DNAAF8: variants seen among roughly 807,000 people sequenced by gnomAD.
The protein encoded by DNAAF8 is dynein axonemal assembly factor 8, also known as dynein axonemal-associated protein 1.
In DNAAF8, 61 loss-of-function variants were observed where a neutral mutation model predicts 54.6. That is an observed-to-expected ratio of 1.12 (90% CI 0.91 to 1.38). DNAAF8 has a LOEUF of 1.38. DNAAF8 is among the 40% of genes most tolerant of loss of function. DNAAF8 has a pLI of 0.00. For synonymous variants in DNAAF8, 320 were observed against 270.1 expected, an observed-to-expected ratio of 1.18 and a Z score of -1.81; for missense variants, 837 against 665.0, an observed-to-expected ratio of 1.26 and a Z score of -2.85.
chr16:4,746,641 T>A, intron 7 of DNAAF8, 129 bp downstream of exon 7: 1 of 1,265,770 alleles, frequency 7.9e-7, no homozygotes, highest in Non-Finnish European at 1.1e-6. Flanking sequence ...AATTCTCAAT[T>A]GAAAAGTGCT....
intron 5 of DNAAF8, among the ~76,000 whole-genome samples, chr16:4,744,126 T>G (rs989520914): frequency 2.0e-5 from 3 of 151,942 alleles, no homozygotes; most frequent in Non-Finnish European, 4.4e-5. Flanking sequence ...AGAAACGGGA[T>G]TTCACCATGT....
intron 6 of DNAAF8, among the ~76,000 whole-genome samples, 180 bp downstream of exon 6, chr16:4,745,191 C>G (rs2081998978): frequency 1.3e-5 from 2 of 152,178 alleles, no homozygotes; most frequent in African/African-American, 2.4e-5. Context: ...AACCAAGGCT[C>G]AGAGAGGTTG....
chr16:4,744,385 A>G (rs1010573566), intron 5 of DNAAF8, among the ~76,000 whole-genome samples: 1 of 152,184 alleles, frequency 6.6e-6, no homozygotes, highest in African/African-American at 2.4e-5. Context: ...GAAACAACCC[A>G]TATTCAGGAG....
rs926037315 is a variant in DNAAF8 at position 4,746,508 on chromosome 16, G to C, written c.1177G>C (p.Glu393Gln). 6 of 1,613,208 alleles carry C rather than the reference G, an allele frequency of 3.7e-6. No individual in the cohort carries two copies. Among genetic ancestry groups the C allele is most frequent in the African/African-American group, 1.3e-5 (1 of 74,938 alleles). ...GGAGCTACCAGACCACCTGTCCCCA[G>C]AAAGGTCCGGAGGGCAGTGACTACC... is the stretch of plus-strand genomic sequence containing the variant. ...QMELPDHLSP[E>Q]SSSHSSSDSE... is the part of the protein sequence containing the mutation. Residue 393 changes from glutamate (E) to glutamine (Q), a missense_variant, in exon 7 of 10, where the codon GAA becomes CAA. Physicochemically the swap from Glu to Gln is conservative, Grantham distance 29 (BLOSUM62 2). Coordinates refer to ENST00000299320, the MANE Select transcript of DNAAF8 (RefSeq NM_139170.3).
At position 4,746,996 on chromosome 16, in the gene DNAAF8, G is replaced by T; in HGVS notation, c.1251G>T (p.Glu417Asp). Residue 417 changes from glutamate to aspartate, a missense_variant, in exon 8 of 10, where the codon GAG becomes GAT. By Grantham distance (45) the Glu-to-Asp change is conservative. Transcript: ENST00000299320. ...EEEMAALGDA[E>D]GASPSSLGLR... Reference sequence around the variant, plus strand: ...AGATGGCAGCTCTGGGAGACGCAGAGGGGGCATCTCCTTCCTCCCTGGGGC... The same window carrying T: ...AGATGGCAGCTCTGGGAGACGCAGATGGGGCATCTCCTTCCTCCCTGGGGC... The T allele has an allele frequency of 1.3e-6, 2 of 1,541,292 alleles. No homozygotes were observed. The highest frequency in any genetic ancestry group is 1.7e-6 in the Non-Finnish European group (2 of 1,148,180).
At position 4,745,518 on chromosome 16, in the gene DNAAF8, T is replaced by G. The variant is rs373119370; in HGVS notation, c.1043+507T>G. 5.9e-5 allele frequency among the ~76,000 whole-genome samples: 9 copies of G among 152,232 alleles called. No homozygotes were observed. The East Asian group carries it at 9.6e-4, about 16-fold the overall frequency. Reference sequence around the variant, plus strand: ...CAGAGGTGGAGGCAGGGCCCCAGGGTCCCGTAAGGCCCCTCTATATGCCTG... The same window carrying G: ...CAGAGGTGGAGGCAGGGCCCCAGGGGCCCGTAAGGCCCCTCTATATGCCTG... On this transcript the variant is annotated intron_variant, in intron 6 of 9. Transcript: ENST00000299320.
At chr16:4,746,848 C>T in intron 7 of DNAAF8, 79 bp from the exon 8 acceptor site, 1 of 1,322,200 alleles carries the variant, frequency 7.6e-7, no homozygotes, top group Non-Finnish European at 1.0e-6. Flanking sequence ...CCAGCAAAGC[C>T]CGAGTGCTTC....
chr16:4,746,014 A>C (rs1444093040), intron 6 of DNAAF8: 2 of 185,802 alleles, frequency 1.1e-5, no homozygotes, highest in Non-Finnish European at 2.2e-5. Flanking sequence ...TAACCATGGC[A>C]GCCATTAGCC....
intron 4 of DNAAF8, among the ~76,000 whole-genome samples, chr16:4,742,335 G>A (rs1364472297): frequency 6.6e-6 from 1 of 152,072 alleles, no homozygotes; most frequent in African/African-American, 2.4e-5. Flanking sequence ...CAGATGGATT[G>A]CTTGAGGTCA....
At chr16:4,740,058 C>CAA (rs111697257) in intron 3 of DNAAF8, 95 bp from the exon 4 acceptor site, 114,483 of 1,190,338 alleles carry the variant, frequency 0.096, 1,375 homozygotes, top group African/African-American at 0.25. Flanking sequence ...GACTTCACCT[C>CAA]AAAAAAAAAA....
At chr16:4,746,726 G>T in intron 7 of DNAAF8, 2 of 773,568 alleles carry the variant, frequency 2.6e-6, no homozygotes, top group East Asian at 2.8e-5. Flanking sequence ...TGGGCTCTAT[G>T]CAATAGAGCC....
chr16:4,739,064 C>T (rs1185258904), intron 3 of DNAAF8, among the ~76,000 whole-genome samples: 1 of 151,992 alleles, frequency 6.6e-6, no homozygotes, highest in Non-Finnish European at 1.5e-5. Context: ...AGGACATGCA[C>T]CCACCCATCA....
rs756430216 is a variant in DNAAF8 at position 4,740,247 on chromosome 16, G to A, written c.371G>A (p.Gly124Asp). The A allele has an allele frequency of 5.0e-6, 8 of 1,613,952 alleles. No individual in the cohort carries two copies. The African/African-American group carries it at 9.3e-5, about 19-fold the overall frequency. Residue 124 changes from glycine to aspartate, a missense_variant, in exon 4 of 10, where the codon GGC becomes GAC. By Grantham distance (94) the Gly-to-Asp change is moderately conservative. Transcript: ENST00000299320. ...TCCTCTCAGGAAGGAAGAGACCCTG[G>A]CAGGCCTTTTGAAAGCTCTGGTGAG... ...DASSQEGRDP[G>D]RPFESSGEVS... is the part of the protein sequence containing the mutation.
chr16:4,746,182 G>A (rs867980875), intron 6 of DNAAF8, 193 bp from the exon 7 acceptor site: 156 of 556,258 alleles, frequency 2.8e-4, no homozygotes, highest in Middle Eastern at 1.8e-3. Context: ...GGGACGTTCT[G>A]TTGGCCAGTG....
chr16:4,737,963 A>G lies in DNAAF8; in HGVS notation c.276+17A>G, dbSNP rs779836621. 1 of 1,612,360 alleles carries G rather than the reference A, an allele frequency of 6.2e-7. No homozygotes were observed. Among genetic ancestry groups the G allele is most frequent in the South Asian group, 1.1e-5 (1 of 91,052 alleles). Reference sequence around the variant, plus strand: ...CTTCCCGAGGTCTGTGGGACACAGAAGAGTATACGCCTGTGTGTGTGCGAT... The same window carrying G: ...CTTCCCGAGGTCTGTGGGACACAGAGGAGTATACGCCTGTGTGTGTGCGAT... On this transcript the variant is annotated intron_variant, in intron 3 of 9. Transcript: ENST00000299320.
chr16:4,737,700 G>C, intron 2 of DNAAF8, 100 bp from the exon 3 acceptor site: 1 of 1,441,318 alleles, frequency 6.9e-7, no homozygotes. Context: ...TGGGCGGGCT[G>C]GGCTGGAAGT....
At chr16:4,739,982 C>T (rs537215516) in intron 3 of DNAAF8, among the ~76,000 whole-genome samples, 171 bp from the exon 4 acceptor site, 24 of 149,908 alleles carry the variant, frequency 1.6e-4, no homozygotes, top group South Asian at 1.5e-3. Flanking sequence ...TCGCCTGGGC[C>T]AGGGAAGTCG....
At chr16:4,736,351 G>A in intron 1 of DNAAF8, 113 bp from the exon 2 acceptor site, 1 of 680,290 alleles carries the variant, frequency 1.5e-6, no homozygotes, top group East Asian at 3.3e-5. Flanking sequence ...GGAAACTGAG[G>A]CAGGTGGTGA....
At chr16:4,740,791 T>A (rs987102104) in intron 4 of DNAAF8, 132 bp downstream of exon 4, 7 of 1,177,256 alleles carry the variant, frequency 5.9e-6, no homozygotes, top group Admixed American at 2.8e-5. Flanking sequence ...TCCACCATTC[T>A]GTGTACCTGT....
Sources: gnomAD v4.1 joint callset for allele counts (sites outside exome capture counted in the v4.1 genomes callset) on GRCh38, gnomAD v4.1.1 for gene constraint, MANE v1.5 for transcripts, NCBI Gene and HGNC (gene_info 2026-07-23, HGNC 2026-07-21) for gene names.